CASR: variants seen among roughly 807,000 people sequenced by gnomAD.
CASR encodes the protein extracellular calcium-sensing receptor.
A neutral mutation model predicts 69.1 loss-of-function variants in CASR; 23 were observed. The ratio of observed to expected loss-of-function variants is 0.33; its 90% CI spans 0.24 to 0.47. The LOEUF is 0.47. Ranked by LOEUF, CASR falls within the 20% of genes least tolerant of loss-of-function variation. The probability of loss-of-function intolerance (pLI) is 1.00; values close to 1 mark genes in which losing one functional copy is unlikely to be tolerated. For missense variants in CASR, 924 were observed against 1,356.1 expected (o/e 0.68, Z 5.00); for synonymous variants, 541 against 544.7 (o/e 0.99, Z 0.10).
chr3:122,183,909 G>T lies in CASR; in HGVS notation c.-243+97G>T, dbSNP rs1436055924. 2.0e-5 allele frequency: 3 copies of T among 152,340 alleles called. No individual in the cohort carries two copies. The East Asian group carries it at 5.8e-4, about 29-fold the overall frequency. 9.4% of individuals were successfully genotyped at this position (152,340 alleles called of 1,614,324 possible). A position where few individuals can be genotyped will look rare whatever the true frequency, so the allele number is the denominator to read the frequency against. On this transcript the variant is annotated intron_variant, in intron 1 of 6. Transcript: ENST00000639785. ...TTGTGCCACCCTCGGCACAGAGAACGTTGGTGGCGTCGTAAGCGCCCTAAG... is the reference window on the plus strand; with the variant it reads ...TTGTGCCACCCTCGGCACAGAGAACTTTGGTGGCGTCGTAAGCGCCCTAAG...
At chr3:122,231,219 G>C (rs904551535) in intron 1 of CASR, among the ~76,000 whole-genome samples, 8 of 152,242 alleles carry the variant, frequency 5.3e-5, no homozygotes, top group Admixed American at 3.9e-4. Flanking sequence ...CCTGTTGGGT[G>C]GCTTACCTGA....
chr3:122,207,784 G>A (rs10222398), intron 1 of CASR, among the ~76,000 whole-genome samples: 3,022 of 152,152 alleles, frequency 0.02, 100 homozygotes, highest in African/African-American at 0.069. Context: ...GTTGTAAGTA[G>A]CAACTACTTG....
At chr3:122,216,190 C>T (rs1289304198) in intron 1 of CASR, among the ~76,000 whole-genome samples, 2 of 152,202 alleles carry the variant, frequency 1.3e-5, no homozygotes, top group African/African-American at 4.8e-5. Context: ...AGTTCACAGA[C>T]AGCCACATCA....
intron 1 of CASR, among the ~76,000 whole-genome samples, chr3:122,243,283 G>T (rs1156574535): frequency 6.6e-6 from 1 of 152,048 alleles, no homozygotes; most frequent in East Asian, 1.9e-4. Flanking sequence ...CATCTGACAA[G>T]GGATTAATAA....
intron 1 of CASR, among the ~76,000 whole-genome samples, chr3:122,230,099 T>C (rs897987089): frequency 2.6e-5 from 4 of 152,232 alleles, no homozygotes; most frequent in Non-Finnish European, 5.9e-5. Flanking sequence ...ATTCTAATCA[T>C]GTATTCATTC....
chr3:122,251,549 T>G (rs1466775263), intron 1 of CASR, among the ~76,000 whole-genome samples: 1 of 152,196 alleles, frequency 6.6e-6, no homozygotes, highest in Non-Finnish European at 1.5e-5. Context: ...ATTAAGGACA[T>G]CTGAAAGCTC....
rs79213274 is a variant in CASR at position 122,185,133 on chromosome 3, A to G, written c.-243+1321A>G. 3.7e-3 allele frequency among the ~76,000 whole-genome samples: 566 copies of G among 152,318 alleles called. 29 individuals carry two copies. The East Asian group carries it at 0.087, about 23-fold the overall frequency. On this transcript the variant is annotated intron_variant, in intron 1 of 6. Transcript: ENST00000639785. ...GATGGAGTCTTATCATTATTTTAAC[A>G]TTATAGCTTTCAATAGATAACATGC...
At chr3:122,282,287 C>T in intron 6 of CASR, 51 bp downstream of exon 6, 4 of 1,593,648 alleles carry the variant, frequency 2.5e-6, no homozygotes, top group Non-Finnish European at 3.4e-6. Context: ...ACTTCGGAGG[C>T]CTGGGGTCAG....
chr3:122,248,708 G>C (rs977536064), intron 1 of CASR, among the ~76,000 whole-genome samples: 2 of 151,582 alleles, frequency 1.3e-5, no homozygotes, highest in Admixed American at 6.6e-5. Flanking sequence ...GAAGGTCTGC[G>C]CCTGGGTTTT....
chr3:122,187,661 T>C (rs767857263), intron 1 of CASR, among the ~76,000 whole-genome samples: 3 of 152,096 alleles, frequency 2.0e-5, no homozygotes, highest in Non-Finnish European at 4.4e-5. Flanking sequence ...AACGCTTGAG[T>C]TGAATCTTGA....
intron 4 of CASR, among the ~76,000 whole-genome samples, chr3:122,269,764 A>G (rs1045449411): frequency 6.6e-6 from 1 of 152,148 alleles, no homozygotes; most frequent in Non-Finnish European, 1.5e-5. Context: ...AGACTTTTGT[A>G]GAATTGGTAT....
intron 1 of CASR, among the ~76,000 whole-genome samples, chr3:122,244,103 C>G (rs931347562): frequency 6.6e-6 from 1 of 151,850 alleles, no homozygotes; most frequent in African/African-American, 2.4e-5. Context: ...TGAATAAGAC[C>G]TAGTATTTGA....
chr3:122,188,883 T>C (rs1199308523), intron 1 of CASR, among the ~76,000 whole-genome samples: 1 of 152,206 alleles, frequency 6.6e-6, no homozygotes, highest in Non-Finnish European at 1.5e-5. Context: ...TATTTCATCA[T>C]GCAATGCAGT....
chr3:122,285,334 T>A lies in CASR; in HGVS notation c.*143T>A. On this transcript the variant is annotated 3_prime_UTR_variant, in exon 7 of 7. Transcript: ENST00000639785. Reference sequence around the variant, plus strand: ...TGCCCCGAATTTAGTCACACCATCTTAAATGACAGTGAATTGACCCATGTT... The same window carrying A: ...TGCCCCGAATTTAGTCACACCATCTAAAATGACAGTGAATTGACCCATGTT... 1.4e-6 allele frequency: 1 copy of A among 723,816 alleles called. No homozygotes were observed. The highest frequency in any genetic ancestry group is 2.4e-6 in the Non-Finnish European group (1 of 411,226). The allele number at this position is 723,816 out of a possible 1,614,324, so 44.8% of individuals were successfully genotyped here. A position where few individuals can be genotyped will look rare whatever the true frequency, so the allele number is the denominator to read the frequency against.
chr3:122,185,290 G>A (rs2073767098), intron 1 of CASR, among the ~76,000 whole-genome samples: 1 of 152,148 alleles, frequency 6.6e-6, no homozygotes, highest in South Asian at 2.1e-4. Context: ...TTCTGTCGCC[G>A]TCTTTTGATT....
chr3:122,187,333 G>GA (rs369912017), intron 1 of CASR, among the ~76,000 whole-genome samples: 2,263 of 152,002 alleles, frequency 0.015, 53 homozygotes, highest in African/African-American at 0.051. Flanking sequence ...CTTTAGTAAA[G>GA]AAAAAAAATC....
chr3:122,233,330 C>A (rs1246469441), intron 1 of CASR, among the ~76,000 whole-genome samples: 1 of 152,230 alleles, frequency 6.6e-6, no homozygotes, highest in Non-Finnish European at 1.5e-5. Flanking sequence ...CCATGAGAAG[C>A]AATGCCACCC....
At chr3:122,252,456 AAAGAAAGAAAAGAAAAGAAG>A (rs2074506830) in intron 1 of CASR, among the ~76,000 whole-genome samples, 6 of 88,004 alleles carry the variant, frequency 6.8e-5, no homozygotes, top group Admixed American at 1.1e-4. Context: ...AAAAAAAAGA[AAAGAAAGAAAAGAAAAGAAG>A]GGAGGGAGGG....
chr3:122,253,599 T>C (rs2074521256), intron 1 of CASR, among the ~76,000 whole-genome samples: 1 of 152,206 alleles, frequency 6.6e-6, no homozygotes, highest in Non-Finnish European at 1.5e-5. Flanking sequence ...CTAATATTAT[T>C]ATAACAAAAG....
Sources: gnomAD v4.1 joint callset for allele counts (sites outside exome capture counted in the v4.1 genomes callset) on GRCh38, gnomAD v4.1.1 for gene constraint, MANE v1.5 for transcripts, NCBI Gene and HGNC (gene_info 2026-07-23, HGNC 2026-07-21) for gene names.